The following CFAP299 variants were observed in gnomAD, a reference collection of about 807,000 sequenced individuals.
CFAP299 encodes cilia and flagella associated protein 299.
Under a neutral mutation model 27.0 loss-of-function variants are expected in CFAP299, and 21 were observed. The observed-to-expected ratio is 0.78, with a 90% confidence interval of 0.55 to 1.12. CFAP299 has a LOEUF of 1.12. CFAP299 is among the 50% of genes most tolerant of loss of function. CFAP299 has a pLI of 0.00. For synonymous variants in CFAP299, 104 were observed against 98.1 expected (o/e 1.06, Z -0.36); for missense variants, 310 against 276.6 (o/e 1.12, Z -0.86).
chr4:80,461,242 C>A (rs1194006753), intron 2 of CFAP299, among the ~76,000 whole-genome samples: 1 of 152,082 alleles, frequency 6.6e-6, no homozygotes, highest in African/African-American at 2.4e-5. Context: ...TTAGTTAATT[C>A]TCTCTTGGAT....
intron 3 of CFAP299, among the ~76,000 whole-genome samples, chr4:80,843,082 A>T (rs983078085): frequency 6.6e-6 from 1 of 151,018 alleles, no homozygotes; most frequent in African/African-American, 2.4e-5. Context: ...ATATATATAA[A>T]TATATATTTT....
At chr4:80,880,298 G>A (rs1029905012) in intron 4 of CFAP299, among the ~76,000 whole-genome samples, 9 of 152,146 alleles carry the variant, frequency 5.9e-5, no homozygotes, top group Non-Finnish European at 1.3e-4. Context: ...AAGAATTATT[G>A]CTTTGAGAGA....
chr4:80,683,397 T>A (rs1419627403), intron 3 of CFAP299, among the ~76,000 whole-genome samples: 1 of 152,204 alleles, frequency 6.6e-6, no homozygotes, highest in Non-Finnish European at 1.5e-5. Flanking sequence ...TTCCTTTTGG[T>A]TATTTAATCT....
intron 2 of CFAP299, among the ~76,000 whole-genome samples, chr4:80,560,166 T>C (rs1005978126): frequency 6.6e-6 from 1 of 151,474 alleles, no homozygotes; most frequent in African/African-American, 2.4e-5. Flanking sequence ...CTGGCCAGAG[T>C]TGTGAGACCC....
At chr4:80,700,792 A>G (rs1721425559) in intron 3 of CFAP299, among the ~76,000 whole-genome samples, 1 of 152,128 alleles carries the variant, frequency 6.6e-6, no homozygotes, top group Non-Finnish European at 1.5e-5. Context: ...AAAAATTTAA[A>G]TAAAATGGGA....
intron 2 of CFAP299, among the ~76,000 whole-genome samples, chr4:80,402,078 A>G (rs1301207893): frequency 6.6e-6 from 1 of 152,090 alleles, no homozygotes; most frequent in Non-Finnish European, 1.5e-5. Flanking sequence ...CTGTACCCCC[A>G]TTGCATCCAG....
chr4:80,857,067 TC>T (rs1390453331), intron 3 of CFAP299, among the ~76,000 whole-genome samples: 1 of 152,192 alleles, frequency 6.6e-6, no homozygotes, highest in East Asian at 1.9e-4. Flanking sequence ...GTTTGTATCC[TC>T]TTTTATTTCA....
intron 3 of CFAP299, among the ~76,000 whole-genome samples, chr4:80,847,511 C>T (rs1731251540): frequency 6.6e-6 from 1 of 152,152 alleles, no homozygotes; most frequent in Non-Finnish European, 1.5e-5. Flanking sequence ...TGCAATATCC[C>T]TTGTGGTGAC....
intron 3 of CFAP299, among the ~76,000 whole-genome samples, chr4:80,782,777 ATAAT>A (rs1319413214): frequency 2.7e-5 from 4 of 147,922 alleles, no homozygotes; most frequent in Non-Finnish European, 4.5e-5. Flanking sequence ...ATATTCATAT[ATAAT>A]ATACATATAT....
At chr4:80,855,956 G>A (rs1051174354) in intron 3 of CFAP299, among the ~76,000 whole-genome samples, 1 of 151,764 alleles carries the variant, frequency 6.6e-6, no homozygotes, top group Non-Finnish European at 1.5e-5. Context: ...GGTATTTCTA[G>A]TTCTAGATCC....
chr4:80,858,100 A>G (rs1732044327), intron 3 of CFAP299, among the ~76,000 whole-genome samples: 1 of 152,200 alleles, frequency 6.6e-6, no homozygotes, highest in Non-Finnish European at 1.5e-5. Flanking sequence ...TTATTGGTCT[A>G]TTCAGAGATT....
At chr4:80,658,385 TA>T (rs771310840) in intron 3 of CFAP299, among the ~76,000 whole-genome samples, 1 of 152,188 alleles carries the variant, frequency 6.6e-6, no homozygotes, top group Non-Finnish European at 1.5e-5. Flanking sequence ...AAATAGCTCT[TA>T]TTATTTTGAG....
chr4:80,861,282 G>A (rs1578192964), intron 3 of CFAP299, among the ~76,000 whole-genome samples: 1 of 152,112 alleles, frequency 6.6e-6, no homozygotes, highest in African/African-American at 2.4e-5. Flanking sequence ...TATTCGGGTG[G>A]GAGTGACCCG....
chr4:80,906,886 T>C (rs1735212023), intron 4 of CFAP299, among the ~76,000 whole-genome samples: 1 of 152,182 alleles, frequency 6.6e-6, no homozygotes, highest in African/African-American at 2.4e-5. Context: ...TGACATGCCC[T>C]GGAGACATTT....
At chr4:80,413,942 A>G (rs1412895691) in intron 2 of CFAP299, among the ~76,000 whole-genome samples, 6 of 152,090 alleles carry the variant, frequency 3.9e-5, no homozygotes, top group Non-Finnish European at 8.8e-5. Flanking sequence ...CTTCTGGTTA[A>G]GAGGGCAGAA....
chr4:80,796,294 T>C (rs1203229299), intron 3 of CFAP299, among the ~76,000 whole-genome samples: 2 of 152,134 alleles, frequency 1.3e-5, no homozygotes, highest in African/African-American at 2.4e-5. Flanking sequence ...TCTCTGAAGT[T>C]TAGTTGGATT....
At chr4:80,707,975 A>G (rs1351261088) in intron 3 of CFAP299, among the ~76,000 whole-genome samples, 1 of 152,104 alleles carries the variant, frequency 6.6e-6, no homozygotes, top group Non-Finnish European at 1.5e-5. Flanking sequence ...GGTGCAAGCA[A>G]CACAAATCAG....
chr4:80,334,506 G>C (rs2109960314), upstream of CFAP299, among the ~76,000 whole-genome samples: 1 of 152,220 alleles, frequency 6.6e-6, no homozygotes, highest in South Asian at 2.1e-4. Flanking sequence ...TTGAACTCCT[G>C]ACCTCGTGAT....
intron 3 of CFAP299, among the ~76,000 whole-genome samples, chr4:80,784,850 G>C (rs896888803): frequency 5.3e-5 from 8 of 152,084 alleles, no homozygotes; most frequent in African/African-American, 1.9e-4. Context: ...TTCTTATTTA[G>C]AGAAATATCT....
Sources: allele counts gnomAD v4.1 joint callset (sites outside exome capture counted in the v4.1 genomes callset), GRCh38; gene constraint gnomAD v4.1.1; transcripts MANE v1.5; gene names NCBI Gene and HGNC (gene_info 2026-07-23, HGNC 2026-07-21).